SLC34A1: variants seen among roughly 807,000 people sequenced by gnomAD.
SLC34A1 encodes sodium-dependent phosphate transport protein 2A.
In SLC34A1, 57 loss-of-function variants were observed where a neutral mutation model predicts 51.4. That is an observed-to-expected ratio of 1.11 (90% confidence interval 0.90 to 1.38). SLC34A1 has a LOEUF of 1.38. Among genes scored for constraint, SLC34A1 ranks in the 40% most tolerant of loss-of-function variants. The probability of loss-of-function intolerance (pLI) is 0.00; values close to 1 mark genes in which losing one functional copy is unlikely to be tolerated. For synonymous variants in SLC34A1, 368 were observed against 358.0 expected, an observed-to-expected ratio of 1.03 and a Z score of -0.32; for missense variants, 796 against 835.6, an observed-to-expected ratio of 0.95 and a Z score of 0.58.
intron 8 of SLC34A1, among the ~76,000 whole-genome samples, chr5:177,391,124 G>A (rs563101862): frequency 1.3e-5 from 2 of 152,216 alleles, no homozygotes; most frequent in Admixed American, 1.3e-4. Context: ...GGCAGGGATG[G>A]GCACATCTTG....
chr5:177,389,624 C>T (rs909237681), intron 8 of SLC34A1: 1 of 1,537,266 alleles, frequency 6.5e-7, no homozygotes, highest in Non-Finnish European at 8.7e-7. Flanking sequence ...CACCACAAGC[C>T]TCTCTACTTC....
chr5:177,392,353 C>T (rs1014699006), intron 8 of SLC34A1, among the ~76,000 whole-genome samples: 3 of 152,186 alleles, frequency 2.0e-5, no homozygotes, highest in African/African-American at 7.2e-5. Context: ...ACCCTAGCTA[C>T]TCGGGAGGTG....
intron 5 of SLC34A1, 88 bp from the exon 6 acceptor site, chr5:177,387,674 G>C (rs1762635547): frequency 1.8e-6 from 2 of 1,115,972 alleles, no homozygotes; most frequent in Admixed American, 1.7e-5. Context: ...CTGGGGACTG[G>C]GACGTGGGTG....
At position 177,386,245 on chromosome 5, in the gene SLC34A1, G is replaced by T. The variant is rs145798898; in HGVS notation, c.284G>T (p.Arg95Leu). ...GAGTCCAGGCTGGTCCCCAAGCTGCGCCAGGCTGGCGCCATGCTGCTCAAG... is the reference window on the plus strand; with the variant it reads ...GAGTCCAGGCTGGTCCCCAAGCTGCTCCAGGCTGGCGCCATGCTGCTCAAG... ...KPESRLVPKL[R>L]QAGAMLLKVP... is the part of the protein sequence containing the mutation. The change falls in exon 4 of 13, where the codon CGC becomes CTC. Residue 95 changes from arginine (R) to leucine (L), a missense_variant. Arg to Leu is a moderately radical substitution (Grantham distance 102). Coordinates refer to ENST00000324417, the MANE Select transcript of SLC34A1 (RefSeq NM_003052.5). The surrounding 1 kb of genome is among the most constrained non-coding windows in gnomAD (Gnocchi z 4.8). 1.9e-6 allele frequency: 3 copies of T among 1,544,330 alleles called. No homozygotes were observed. Among genetic ancestry groups the T allele is most frequent in the African/African-American group, 2.7e-5 (2 of 74,426 alleles).
chr5:177,390,440 A>G, intron 8 of SLC34A1: 1 of 944,352 alleles, frequency 1.1e-6, no homozygotes, highest in Non-Finnish European at 1.3e-6. Flanking sequence ...AGGAGCACTG[A>G]GCCCCAGAGA....
Position 177,388,052 on chromosome 5 carries a change from C to T in SLC34A1, c.703C>T (p.Leu235=). 1.2e-6 allele frequency: 2 copies of T among 1,614,094 alleles called. No homozygotes were observed. Among genetic ancestry groups the T allele is most frequent in the Non-Finnish European group, 8.5e-7 (1 of 1,180,000 alleles). The change falls in exon 7 of 13, where the codon CTG becomes TTG. Residue 235 remains leucine, a synonymous_variant. Transcript: ENST00000324417. The surrounding 1 kb of genome is among the most constrained non-coding windows in gnomAD (Gnocchi z 4.3). ...TAACTGGCTGTCAGTGCTGGTCCTGCTGCCCCTGGAGGCTGCCACTGGCTA... is the reference window on the plus strand; with the variant it reads ...TAACTGGCTGTCAGTGCTGGTCCTGTTGCCCCTGGAGGCTGCCACTGGCTA... ...CFNWLSVLVL[L]PLEAATGYLH...
At position 177,398,191 on chromosome 5, in the gene SLC34A1, C is replaced by CCGCTG; in HGVS notation, c.1827_1831dup (p.Pro611ArgfsTer73). ...TGCCAGGCCTGAGCCCCGCTCACCC[C>CCGCTG]CGCTGCCCCCCAGGGTCTTCCTGGA... On this transcript the variant is annotated frameshift_variant, in exon 13 of 13. Transcript: ENST00000324417. LOFTEE classifies it high-confidence loss of function. This position sits in a 1 kb window ranked among gnomAD's most constrained non-coding sequence, Gnocchi z 4.7. 6.2e-7 allele frequency: 1 copy of CCGCTG among 1,610,142 alleles called. No individual in the cohort carries two copies. Among genetic ancestry groups the CCGCTG allele is most frequent in the Non-Finnish European group, 8.5e-7 (1 of 1,179,878 alleles).
chr5:177,392,574 A>C (rs985691234), intron 8 of SLC34A1, among the ~76,000 whole-genome samples: 1 of 152,222 alleles, frequency 6.6e-6, no homozygotes, highest in South Asian at 2.1e-4. Context: ...ATTGTAAAAG[A>C]TAACTCAAAG....
chr5:177,392,910 C>T (rs549925876), intron 8 of SLC34A1, among the ~76,000 whole-genome samples: 30 of 152,310 alleles, frequency 2.0e-4, no homozygotes, highest in Admixed American at 1.8e-3. Flanking sequence ...CCACACTGCA[C>T]CTGGCCCAGA....
In SLC34A1 at chr5:177,393,704, C is replaced by G. The variant is rs780829284; in HGVS notation, c.947C>G (p.Ser316Cys). The change falls in exon 9 of 13, where the codon TCC (serine) becomes TGC (cysteine). Residue 316 changes from serine (S) to cysteine (C), a missense_variant. By Grantham distance (112) the Ser-to-Cys change is moderately radical. Transcript: ENST00000324417. ...CTCCTCCTGATCTAGGCTCCCACCT[C>G]CATGTCCAGAGCAGAGGCCAACTCC... Reference protein sequence around the residue: ...CHPDSLQAPTSMSRAEANSSQ... With the variant: ...CHPDSLQAPTCMSRAEANSSQ... 1.2e-6 allele frequency: 2 copies of G among 1,614,216 alleles called. No homozygotes were observed. Among genetic ancestry groups the G allele is most frequent in the South Asian group, 2.2e-5 (2 of 91,080 alleles).
intron 8 of SLC34A1, among the ~76,000 whole-genome samples, chr5:177,391,995 C>A (rs2127351677): frequency 6.6e-6 from 1 of 152,344 alleles, no homozygotes; most frequent in African/African-American, 2.4e-5. Flanking sequence ...GTTTTCTCAT[C>A]TAGCCCATCG....
rs1216664970 is a variant in SLC34A1, at chr5:177,398,179, C to T, written c.1813C>T (p.Pro605Ser). 11 of 1,611,170 alleles carry T rather than the reference C, an allele frequency of 6.8e-6. No homozygotes were observed. The highest frequency in any genetic ancestry group is 9.3e-6 in the Non-Finnish European group (11 of 1,179,788). Reference sequence around the variant, plus strand: ...CACCCTATGCTGTGCCAGGCCTGAGCCCCGCTCACCCCCGCTGCCCCCCAG... The same window carrying T: ...CACCCTATGCTGTGCCAGGCCTGAGTCCCGCTCACCCCCGCTGCCCCCCAG... Reference protein sequence around the residue: ...RATLCCARPEPRSPPLPPRVF... With the variant: ...RATLCCARPESRSPPLPPRVF... Residue 605 changes from proline (P) to serine (S), a missense_variant, in exon 13 of 13, where the codon CCC becomes TCC. Pro to Ser is a moderately conservative substitution (Grantham distance 74, BLOSUM62 -1). Transcript: ENST00000324417. This position sits in a 1 kb window ranked among gnomAD's most constrained non-coding sequence, Gnocchi z 4.7.
chr5:177,392,064 C>T (rs1019634891), intron 8 of SLC34A1, among the ~76,000 whole-genome samples: 8 of 152,228 alleles, frequency 5.3e-5, no homozygotes, highest in African/African-American at 1.9e-4. Context: ...GATGGGTCCC[C>T]AAGGCCCTGA....
intron 8 of SLC34A1, among the ~76,000 whole-genome samples, chr5:177,393,118 G>A (rs1762858600): frequency 6.6e-6 from 1 of 152,186 alleles, no homozygotes; most frequent in Non-Finnish European, 1.5e-5. Flanking sequence ...TACCGGCCCG[G>A]ACCTGTGGCC....
In SLC34A1 at chr5:177,394,125, C is replaced by G. The variant is rs944529131; in HGVS notation, c.1104C>G (p.Leu368=). ...TGCTGCTGTGCACCTGCCTCATCCTCCTAGTCAAGATGCTCAACTCCCTGC... is the reference window on the plus strand; with the variant it reads ...TGCTGCTGTGCACCTGCCTCATCCTGCTAGTCAAGATGCTCAACTCCCTGC... ...SLVLLCTCLI[L]LVKMLNSLLK... is the part of the protein sequence containing the mutation. Residue 368 remains leucine, a synonymous_variant, in exon 10 of 13, where the codon CTC becomes CTG. Coordinates refer to ENST00000324417, the MANE Select transcript of SLC34A1 (RefSeq NM_003052.5). 5 of 1,614,012 alleles carry G rather than the reference C, an allele frequency of 3.1e-6. No homozygotes were observed. Among genetic ancestry groups the G allele is most frequent in the Non-Finnish European group, 4.2e-6 (5 of 1,180,042 alleles).
Position 177,391,006 on chromosome 5 carries a change from C to T in SLC34A1, c.936+2634C>T, listed in dbSNP as rs554501085. On this transcript the variant is annotated intron_variant, in intron 8 of 12. Transcript: ENST00000324417. ...TGGTGACACACAGCTGGGAACGGCT[C>T]AGCTGGGGTATGGGCCCAGGGCTGT... Among the ~76,000 whole-genome samples the T allele has an allele frequency of 1.0e-3, 155 of 152,278 alleles. 3 individuals are homozygous for T. The Middle Eastern group carries it at 0.024, about 23-fold the overall frequency.
At position 177,386,705 on chromosome 5, in the gene SLC34A1, A is replaced by G. The variant is rs1762587709; in HGVS notation, c.532+139A>G. ...CTGTATCAGCCAGGGACATGAGAGG[A>G]GCCCAACTGTAGCTGTATGTGACCC... is the stretch of plus-strand genomic sequence containing the variant. On this transcript the variant is annotated intron_variant, in intron 5 of 12. Coordinates refer to ENST00000324417, the MANE Select transcript of SLC34A1 (RefSeq NM_003052.5). This position sits in a 1 kb window ranked among gnomAD's most constrained non-coding sequence, Gnocchi z 4.8. 1 of 1,000,662 alleles carries G rather than the reference A, an allele frequency of 1.0e-6. No homozygotes were observed. Among genetic ancestry groups the G allele is most frequent in the Non-Finnish European group, 1.5e-6 (1 of 652,410 alleles). 62.0% of individuals were successfully genotyped at this position (1,000,662 alleles called of 1,614,324 possible).
At position 177,396,697 on chromosome 5, in the gene SLC34A1, C is replaced by A. The variant is rs1762979326; in HGVS notation, c.1175-36C>A. 1 of 1,597,998 alleles carries A rather than the reference C, an allele frequency of 6.3e-7. No homozygotes were observed. Among genetic ancestry groups the A allele is most frequent in the Non-Finnish European group, 8.6e-7 (1 of 1,165,550 alleles). ...GGTCTGCTCTCCCAATGTCCCCGCT[C>A]TGACCCCAGCCTGCTGGGATGCGGT... On this transcript the variant is annotated intron_variant, in intron 10 of 12. Transcript: ENST00000324417. The surrounding 1 kb of genome is among the most constrained non-coding windows in gnomAD (Gnocchi z 4.0).
chr5:177,390,463 T>G, intron 8 of SLC34A1: 4 of 780,258 alleles, frequency 5.1e-6, no homozygotes, highest in Non-Finnish European at 6.2e-6. Context: ...TGCAGTGGCT[T>G]GCCCAAGTCC....
Sources: gnomAD v4.1 joint callset for allele counts (sites outside exome capture counted in the v4.1 genomes callset) on GRCh38, gnomAD v4.1.1 for gene constraint, Gnocchi (gnomAD v3.1) non-coding constraint, MANE v1.5 for transcripts, NCBI Gene and HGNC (gene_info 2026-07-23, HGNC 2026-07-21) for gene names.